TTC33: variants seen among roughly 807,000 people sequenced by gnomAD.
TTC33 encodes the protein tetratricopeptide repeat domain 33.
Under a neutral mutation model 29.4 loss-of-function variants are expected in TTC33, and 24 were observed. That is an observed-to-expected ratio of 0.82 (90% CI 0.59 to 1.15). The LOEUF (loss-of-function observed/expected upper bound fraction) is 1.15, where lower values mean the gene tolerates loss of function less well. TTC33 is among the 50% of genes most tolerant of loss of function. The pLI, the probability that TTC33 is intolerant of heterozygous loss-of-function variation, is 0.00. For missense variants in TTC33, 286 were observed against 310.4 expected (o/e 0.92, Z 0.59); for synonymous variants, 107 against 100.3 (o/e 1.07, Z -0.40).
At position 40,713,732 on chromosome 5, in the gene TTC33, C is replaced by T. The variant is rs982152403; in HGVS notation, c.*2413G>A. On this transcript the variant is annotated 3_prime_UTR_variant, in exon 5 of 5. Coordinates refer to ENST00000337702, the MANE Select transcript of TTC33 (RefSeq NM_012382.3). ...ATAATGTAAATTATAGTCAATATAA[C>T]TTGAACAGTAAACAGTGTTATTTCA... Among the ~76,000 whole-genome samples, 1 of 152,048 alleles carries T rather than the reference C, an allele frequency of 6.6e-6. No individual in the cohort carries two copies. Among genetic ancestry groups the T allele is most frequent in the Non-Finnish European group, 1.5e-5 (1 of 68,008 alleles).
chr5:40,724,998 C>T (rs554822932), intron 4 of TTC33, among the ~76,000 whole-genome samples: 2 of 152,000 alleles, frequency 1.3e-5, no homozygotes, highest in South Asian at 4.2e-4. Context: ...AGGCACACAC[C>T]ACCATGCCTG....
intron 1 of TTC33, among the ~76,000 whole-genome samples, chr5:40,752,399 A>G (rs376780578): frequency 1.6e-4 from 25 of 152,220 alleles, no homozygotes; most frequent in African/African-American, 5.3e-4. Context: ...TTCAGCCTGT[A>G]TTGGCTTTCA....
At position 40,752,156 on chromosome 5, in the gene TTC33, A is replaced by G. The variant is rs6868109; in HGVS notation, c.-2+3668T>C. Among the ~76,000 whole-genome samples the G allele has an allele frequency of 9.5e-3, 1,447 of 152,292 alleles. 26 individuals are homozygous for G. Among genetic ancestry groups the G allele is most frequent in the African/African-American group, 0.033 (1,359 of 41,550 alleles). ...CTTTGGCAGCTTCTTCACCTCTCTC[A>G]GCATTCACAGAATTGAAGAGAGTTA... On this transcript the variant is annotated intron_variant, in intron 1 of 4. Coordinates refer to ENST00000337702, the MANE Select transcript of TTC33 (RefSeq NM_012382.3).
Position 40,746,814 on chromosome 5 carries a change from A to G in TTC33, c.205T>C (p.Leu69=), listed in dbSNP as rs837105. 4 of 1,611,828 alleles carry G rather than the reference A, an allele frequency of 2.5e-6. No homozygotes were observed. Among genetic ancestry groups the G allele is most frequent in the African/African-American group, 2.7e-5 (2 of 74,758 alleles). The change falls in exon 2 of 5, where the codon TTG becomes CTG. Residue 69 remains leucine, a synonymous_variant. Transcript: ENST00000337702. The part of the protein sequence containing the change: ...SKQLKDEGAS[L]AENKRYREAI... ...AATACATACCTTTTATTTTCAGCCA[A>G]ACTGGCTCCTTCATCCTTCAGCTGT...
At chr5:40,728,583 T>C (rs1742351739) in intron 3 of TTC33, 107 bp from the exon 4 acceptor site, 2 of 1,117,924 alleles carry the variant, frequency 1.8e-6, no homozygotes, top group African/African-American at 1.6e-5. Context: ...CCAGTAAAAA[T>C]AGCATTTCGG....
intron 1 of TTC33, among the ~76,000 whole-genome samples, chr5:40,749,752 T>G (rs1221879353): frequency 1.3e-5 from 2 of 152,242 alleles, no homozygotes. Context: ...ATGTTTACAC[T>G]ATACTATAGT....
In TTC33 at chr5:40,715,797, T is replaced by C. The variant is rs1741984347; in HGVS notation, c.*348A>G. Reference sequence around the variant, plus strand: ...ACTTCCTTTATCATAAAACAAAAGTTGAGACAGCATTTCAGTAACATTGAT... The same window carrying C: ...ACTTCCTTTATCATAAAACAAAAGTCGAGACAGCATTTCAGTAACATTGAT... On this transcript the variant is annotated 3_prime_UTR_variant, in exon 5 of 5. Coordinates refer to ENST00000337702, the MANE Select transcript of TTC33 (RefSeq NM_012382.3). 2 of 180,462 alleles carry C rather than the reference T, an allele frequency of 1.1e-5. No homozygotes were observed. Among genetic ancestry groups the C allele is most frequent in the Admixed American group, 1.2e-4 (2 of 16,534 alleles). The allele number at this position is 180,462 out of a possible 1,614,324, so 11.2% of individuals were successfully genotyped here.
In TTC33 at chr5:40,716,492, G is replaced by T; in HGVS notation, c.442C>A (p.Arg148=). The T allele has an allele frequency of 1.9e-6, 3 of 1,583,022 alleles. No homozygotes were observed. The highest frequency in any genetic ancestry group is 1.2e-5 in the South Asian group (1 of 85,718). Residue 148 remains arginine (R), a synonymous_variant, in exon 5 of 5, where the codon CGA becomes AGA. Coordinates refer to ENST00000337702, the MANE Select transcript of TTC33 (RefSeq NM_012382.3). ...ATGTGAAGGGCTACTTGAAAACTTC[G>T]AATTGCCTAGAAAATAAGGTCAGAG... ...LGLGEIILAI[R]SFQVALHIYP... is the part of the protein sequence containing the mutation.
intron 2 of TTC33, among the ~76,000 whole-genome samples, chr5:40,744,076 T>G (rs1465288867): frequency 6.6e-6 from 1 of 152,216 alleles, no homozygotes; most frequent in East Asian, 1.9e-4. Flanking sequence ...TTAATGAACT[T>G]TTAACAGGCA....
intron 4 of TTC33, among the ~76,000 whole-genome samples, chr5:40,721,491 G>GTA (rs1369358562): frequency 6.6e-6 from 1 of 152,128 alleles, no homozygotes; most frequent in Admixed American, 6.6e-5. Context: ...AGGGCATTAA[G>GTA]TATACATAAT....
chr5:40,727,390 C>T (rs1411373150), intron 4 of TTC33, among the ~76,000 whole-genome samples: 2 of 152,120 alleles, frequency 1.3e-5, no homozygotes, highest in African/African-American at 4.8e-5. Flanking sequence ...GTGTATATAG[C>T]CCTGCCAAAA....
At chr5:40,738,549 A>C (rs249419) in intron 2 of TTC33, among the ~76,000 whole-genome samples, 832 of 47,178 alleles carry the variant, frequency 0.018, 14 homozygotes, top group East Asian at 0.053. Flanking sequence ...CAATAAAATA[A>C]AATAAAATAA....
At chr5:40,737,274 TG>T (rs1243332666) in intron 2 of TTC33, among the ~76,000 whole-genome samples, 1 of 150,492 alleles carries the variant, frequency 6.6e-6, no homozygotes. Context: ...TCCAGCCGCC[TG>T]GGCAACAGAG....
Position 40,728,480 on chromosome 5 carries a change from T to A in TTC33, c.304-4A>T. The A allele has an allele frequency of 6.3e-7, 1 of 1,588,750 alleles. No individual in the cohort carries two copies. The highest frequency in any genetic ancestry group is 1.9e-5 in the Admixed American group (1 of 53,050). ...TTTCATGAAGAGACATTAGCACCTA[T>A]AGGCAAAAAAAGACCAAAAAATCTG... On this transcript the variant is annotated splice_region_variant and splice_polypyrimidine_tract_variant and intron_variant, in intron 3 of 4. Transcript: ENST00000337702.
intron 1 of TTC33, 111 bp from the exon 2 acceptor site, chr5:40,747,130 C>T: frequency 1.1e-6 from 1 of 916,706 alleles, no homozygotes; most frequent in Non-Finnish European, 1.6e-6. Context: ...ACGACCTCGG[C>T]TCACCGTAAC....
At chr5:40,751,550 C>T (rs573668867) in intron 1 of TTC33, among the ~76,000 whole-genome samples, 5 of 152,258 alleles carry the variant, frequency 3.3e-5, no homozygotes, top group Admixed American at 1.3e-4. Context: ...CTACATTAGC[C>T]CTCACAAAGG....
intron 4 of TTC33, among the ~76,000 whole-genome samples, chr5:40,722,541 G>A (rs1051756769): frequency 6.7e-6 from 1 of 149,256 alleles, no homozygotes; most frequent in Non-Finnish European, 1.5e-5. Context: ...TGTGAGGAGC[G>A]CCTCTGCCTG....
At chr5:40,738,905 T>C (rs1420883509) in intron 2 of TTC33, among the ~76,000 whole-genome samples, 1 of 152,220 alleles carries the variant, frequency 6.6e-6, no homozygotes, top group Admixed American at 6.5e-5. Flanking sequence ...GCTTGTCTTC[T>C]TCCTACTGAG....
At chr5:40,736,874 T>C (rs1399820794) in intron 2 of TTC33, among the ~76,000 whole-genome samples, 1 of 152,164 alleles carries the variant, frequency 6.6e-6, no homozygotes, top group Non-Finnish European at 1.5e-5. Context: ...AAATCTACAC[T>C]CTTAACCACT....
Sources: allele counts gnomAD v4.1 joint callset (sites outside exome capture counted in the v4.1 genomes callset), GRCh38; gene constraint gnomAD v4.1.1; transcripts MANE v1.5; gene names NCBI Gene and HGNC (gene_info 2026-07-23, HGNC 2026-07-21).